The following PTPRR variants were observed in gnomAD, a reference collection of about 807,000 sequenced individuals.
The protein encoded by PTPRR is receptor-type tyrosine-protein phosphatase R.
PTPRR carries 38 observed loss-of-function variants against 77.2 expected under a neutral mutation model. The ratio of observed to expected loss-of-function variants is 0.49; its 90% CI spans 0.38 to 0.65. The LOEUF (loss-of-function observed/expected upper bound fraction) is 0.65. Among genes scored for constraint, PTPRR ranks in the 30% least tolerant of loss-of-function variants. The pLI, the probability that PTPRR is intolerant of heterozygous loss-of-function variation, is 0.00. For synonymous variants in PTPRR, 299 were observed against 283.1 expected, an observed-to-expected ratio of 1.06 and a Z score of -0.57; for missense variants, 744 against 799.2, an observed-to-expected ratio of 0.93 and a Z score of 0.83.
chr12:70,838,310 T>C (rs373567061), intron 2 of PTPRR, among the ~76,000 whole-genome samples: 3 of 152,276 alleles, frequency 2.0e-5, no homozygotes, highest in East Asian at 1.9e-4. Context: ...CAGTCTAACA[T>C]GGATTTGGTC....
Position 70,765,783 on chromosome 12 carries a change from C to G in PTPRR, c.358-1005G>C, listed in dbSNP as rs574515533. 5.1e-4 allele frequency among the ~76,000 whole-genome samples: 78 copies of G among 152,286 alleles called. No individual in the cohort carries two copies. The South Asian group carries it at 0.014, about 27-fold the overall frequency. On this transcript the variant is annotated intron_variant, in intron 2 of 13. Transcript: ENST00000283228. ...CCCCCCCAGAAGGGGCAGACTGACA[C>G]CTCACACAGCCGGGTACTCCTCTGA...
intron 2 of PTPRR, among the ~76,000 whole-genome samples, chr12:70,867,622 T>G (rs1427995116): frequency 6.6e-6 from 1 of 151,776 alleles, no homozygotes; most frequent in Non-Finnish European, 1.5e-5. Flanking sequence ...CAAGGTAATT[T>G]ATAGATTCAA....
chr12:70,756,746 A>C (rs1213912404), intron 4 of PTPRR, among the ~76,000 whole-genome samples: 2 of 152,160 alleles, frequency 1.3e-5, no homozygotes, highest in Non-Finnish European at 2.9e-5. Flanking sequence ...AATTTGATGC[A>C]CTATAGCTCA....
chr12:70,755,942 A>AT (rs575548190), intron 4 of PTPRR, among the ~76,000 whole-genome samples: 1 of 152,198 alleles, frequency 6.6e-6, no homozygotes, highest in South Asian at 2.1e-4. Flanking sequence ...ATGGAAATGA[A>AT]TTTTTTACAG....
intron 2 of PTPRR, among the ~76,000 whole-genome samples, chr12:70,768,159 A>G: frequency 6.6e-6 from 1 of 152,138 alleles, no homozygotes; most frequent in Non-Finnish European, 1.5e-5. Context: ...AGAAATAACT[A>G]AAATCAGAGC....
chr12:70,639,045 A>T lies in PTPRR; in HGVS notation c.*139T>A, dbSNP rs1885883228. 1 of 696,300 alleles carries T rather than the reference A, an allele frequency of 1.4e-6. No individual in the cohort carries two copies. Among genetic ancestry groups the T allele is most frequent in the Admixed American group, 2.4e-5 (1 of 41,400 alleles). The allele number at this position is 696,300 out of a possible 1,614,324, so 43.1% of individuals were successfully genotyped here. A position where few individuals can be genotyped will look rare whatever the true frequency, so the allele number is the denominator to read the frequency against. Reference sequence around the variant, plus strand: ...GCTGGAAATCTTAAATATGTTGCCCAGTCTTCCACAATCCATGCCATACAT... The same window carrying T: ...GCTGGAAATCTTAAATATGTTGCCCTGTCTTCCACAATCCATGCCATACAT... On this transcript the variant is annotated 3_prime_UTR_variant, in exon 14 of 14. Transcript: ENST00000283228.
intron 6 of PTPRR, among the ~76,000 whole-genome samples, chr12:70,743,264 T>C (rs765208128): frequency 6.6e-6 from 1 of 152,012 alleles, no homozygotes; most frequent in Non-Finnish European, 1.5e-5. Flanking sequence ...TAGTGCTAGA[T>C]GGGAAATGAA....
At chr12:70,885,590 A>C (rs370378632) in intron 2 of PTPRR, among the ~76,000 whole-genome samples, 2 of 144,190 alleles carry the variant, frequency 1.4e-5, no homozygotes, top group Non-Finnish European at 3.0e-5. Context: ...GCTGGAGTGC[A>C]GTGGCACAAT....
At chr12:70,701,897 C>T (rs1223218066) in intron 6 of PTPRR, among the ~76,000 whole-genome samples, 5 of 151,950 alleles carry the variant, frequency 3.3e-5, no homozygotes, top group South Asian at 4.2e-4. Context: ...CATTTGAGCC[C>T]GGGGGGTTGA....
intron 2 of PTPRR, among the ~76,000 whole-genome samples, chr12:70,858,131 G>C (rs181046736): frequency 2.0e-5 from 3 of 151,854 alleles, no homozygotes; most frequent in Admixed American, 2.0e-4. Flanking sequence ...TTTGCTCTTT[G>C]GTTCCTCATC....
chr12:70,919,526 G>C (rs1426778153), intron 1 of PTPRR, among the ~76,000 whole-genome samples: 2 of 152,060 alleles, frequency 1.3e-5, no homozygotes, highest in African/African-American at 2.4e-5. Flanking sequence ...CCCAAGGTTT[G>C]CTTCCTCACG....
chr12:70,650,452 AAT>A (rs10585997), intron 13 of PTPRR, among the ~76,000 whole-genome samples: 36,696 of 150,330 alleles, frequency 0.24, 6,322 homozygotes, highest in African/African-American at 0.48. Context: ...AACAAAACAA[AAT>A]ATATATATAT....
intron 2 of PTPRR, among the ~76,000 whole-genome samples, chr12:70,794,324 G>T (rs1464134182): frequency 6.6e-6 from 1 of 152,210 alleles, no homozygotes; most frequent in Non-Finnish European, 1.5e-5. Context: ...GGCATAACCA[G>T]AAGGCCTATG....
At chr12:70,693,490 G>A (rs994277837) in intron 8 of PTPRR, among the ~76,000 whole-genome samples, 7 of 152,072 alleles carry the variant, frequency 4.6e-5, no homozygotes, top group African/African-American at 1.7e-4. Context: ...TAGAGATGAG[G>A]TTTTGCCATG....
At chr12:70,767,391 A>G (rs1298431050) in intron 2 of PTPRR, among the ~76,000 whole-genome samples, 1 of 150,178 alleles carries the variant, frequency 6.7e-6, no homozygotes, top group Non-Finnish European at 1.5e-5. Context: ...CAGACTTTAA[A>G]CCAACAAAGA....
intron 2 of PTPRR, among the ~76,000 whole-genome samples, chr12:70,851,453 T>C (rs1266002173): frequency 6.6e-6 from 1 of 152,168 alleles, no homozygotes; most frequent in Non-Finnish European, 1.5e-5. Flanking sequence ...GGAAGGAGTC[T>C]GGGTTCATAT....
At chr12:70,691,304 T>C (rs973917742) in intron 8 of PTPRR, among the ~76,000 whole-genome samples, 44 of 152,292 alleles carry the variant, frequency 2.9e-4, no homozygotes, top group African/African-American at 1.0e-3. Context: ...CTGTTGACTG[T>C]ATATCCTTTT....
At chr12:70,723,459 A>G (rs892406809) in intron 6 of PTPRR, among the ~76,000 whole-genome samples, 2 of 152,154 alleles carry the variant, frequency 1.3e-5, no homozygotes, top group African/African-American at 4.8e-5. Flanking sequence ...GAGGTCATAA[A>G]TTTTGCCCAG....
intron 6 of PTPRR, among the ~76,000 whole-genome samples, chr12:70,708,558 A>G (rs1592692922): frequency 6.6e-6 from 1 of 152,066 alleles, no homozygotes. Flanking sequence ...AAGGATGATT[A>G]ATTTTTACTC....
Sources: allele counts gnomAD v4.1 joint callset (sites outside exome capture counted in the v4.1 genomes callset), GRCh38; gene constraint gnomAD v4.1.1; transcripts MANE v1.5; gene names NCBI Gene and HGNC (gene_info 2026-07-23, HGNC 2026-07-21).